The following PPP3CA variants were observed in gnomAD, a reference collection of about 807,000 sequenced individuals.
PPP3CA encodes the protein protein phosphatase 3 catalytic subunit alpha, also known as CAM-PRP catalytic subunit.
PPP3CA carries 14 observed loss-of-function variants against 66.5 expected under a neutral mutation model. The observed-to-expected ratio is 0.21, with a 90% confidence interval of 0.14 to 0.33. PPP3CA has a LOEUF of 0.33. Ranked by LOEUF, PPP3CA falls within the 10% of genes least tolerant of loss-of-function variation. PPP3CA has a pLI of 1.00. For synonymous variants in PPP3CA, 232 were observed against 226.2 expected, an observed-to-expected ratio of 1.03 and a Z score of -0.23; for missense variants, 317 against 639.5, an observed-to-expected ratio of 0.50 and a Z score of 5.44.
At chr4:101,243,897 C>T (rs745510173) in intron 1 of PPP3CA, among the ~76,000 whole-genome samples, 1 of 152,128 alleles carries the variant, frequency 6.6e-6, no homozygotes, top group Non-Finnish European at 1.5e-5. Context: ...TGCTAATGTA[C>T]TTTCCAGTTC....
chr4:101,079,042 C>T (rs901430069), intron 8 of PPP3CA, among the ~76,000 whole-genome samples: 1 of 152,160 alleles, frequency 6.6e-6, no homozygotes, highest in Non-Finnish European at 1.5e-5. Flanking sequence ...ATGGTCAAAA[C>T]GGCAATGTAA....
At chr4:101,052,534 TTTAAA>T (rs1728057544) in intron 10 of PPP3CA, among the ~76,000 whole-genome samples, 2 of 151,796 alleles carry the variant, frequency 1.3e-5, no homozygotes, top group South Asian at 2.1e-4. Flanking sequence ...CGATTTAGCT[TTTAAA>T]TTAGACACAA....
intron 5 of PPP3CA, among the ~76,000 whole-genome samples, chr4:101,096,614 A>T (rs190427934): frequency 3.9e-5 from 6 of 152,294 alleles, no homozygotes; most frequent in Admixed American, 3.3e-4. Context: ...TAAGTTTCTC[A>T]TCTTCCATCC....
At chr4:101,181,157 C>T (rs1422303606) in intron 2 of PPP3CA, among the ~76,000 whole-genome samples, 2 of 151,940 alleles carry the variant, frequency 1.3e-5, no homozygotes, top group African/African-American at 4.8e-5. Flanking sequence ...TTCCCCTTTA[C>T]TAGCTTTTCA....
At chr4:101,309,104 G>C (rs1728637754) in intron 1 of PPP3CA, among the ~76,000 whole-genome samples, 1 of 152,080 alleles carries the variant, frequency 6.6e-6, no homozygotes, top group Admixed American at 6.6e-5. Flanking sequence ...TCCAACCAGG[G>C]TGAAGGAGCA....
chr4:101,296,012 G>A (rs1560703859), intron 1 of PPP3CA, among the ~76,000 whole-genome samples: 2 of 151,078 alleles, frequency 1.3e-5, no homozygotes, highest in African/African-American at 2.5e-5. Context: ...AAATAAGCTG[G>A]AGTTGTTGTT....
intron 1 of PPP3CA, among the ~76,000 whole-genome samples, chr4:101,231,607 A>G (rs956124201): frequency 2.6e-5 from 4 of 151,754 alleles, no homozygotes; most frequent in Middle Eastern, 3.2e-3. Flanking sequence ...TAAATGCTTA[A>G]GGCAAATATA....
intron 10 of PPP3CA, among the ~76,000 whole-genome samples, chr4:101,045,387 G>A (rs1578400018): frequency 6.6e-6 from 1 of 152,172 alleles, no homozygotes; most frequent in African/African-American, 2.4e-5. Context: ...ATCAGCTGTA[G>A]GGGAAACATT....
intron 1 of PPP3CA, among the ~76,000 whole-genome samples, chr4:101,261,257 G>A (rs925305900): frequency 6.6e-6 from 1 of 151,958 alleles, no homozygotes; most frequent in Non-Finnish European, 1.5e-5. Context: ...GCATATCAGA[G>A]GTAAACTCCT....
At chr4:101,154,808 ATTTTT>A in intron 2 of PPP3CA, among the ~76,000 whole-genome samples, 1 of 90,614 alleles carries the variant, frequency 1.1e-5, no homozygotes. Context: ...CACTCCCAGA[ATTTTT>A]TTTTTTTTTT....
chr4:101,119,890 T>C (rs547354207), intron 2 of PPP3CA, among the ~76,000 whole-genome samples: 5 of 152,090 alleles, frequency 3.3e-5, no homozygotes, highest in Non-Finnish European at 5.9e-5. Context: ...AAGGAATGAT[T>C]AGACTGATTA....
At chr4:101,280,595 G>A (rs1443487378) in intron 1 of PPP3CA, among the ~76,000 whole-genome samples, 1 of 152,080 alleles carries the variant, frequency 6.6e-6, no homozygotes, top group Admixed American at 6.5e-5. Flanking sequence ...CGAGGCGGGT[G>A]GATCACCTGA....
intron 1 of PPP3CA, among the ~76,000 whole-genome samples, chr4:101,317,604 T>C (rs1023273819): frequency 3.9e-5 from 6 of 152,198 alleles, no homozygotes; most frequent in African/African-American, 1.4e-4. Flanking sequence ...ATATTTGCTG[T>C]AACAATATTA....
intron 1 of PPP3CA, among the ~76,000 whole-genome samples, chr4:101,326,201 A>G (rs1471406732): frequency 6.6e-6 from 1 of 152,226 alleles, no homozygotes; most frequent in Non-Finnish European, 1.5e-5. Flanking sequence ...TGGGATAGGT[A>G]TATGTGGGTT....
chr4:101,027,830 A>AATC (rs1726731777), intron 13 of PPP3CA, among the ~76,000 whole-genome samples: 1 of 152,172 alleles, frequency 6.6e-6, no homozygotes, highest in African/African-American at 2.4e-5. Context: ...CTCCATTTCT[A>AATC]ATCATTTTTG....
chr4:101,240,820 A>G (rs1189907448), intron 1 of PPP3CA: 1 of 152,178 alleles, frequency 6.6e-6, no homozygotes. Flanking sequence ...CCAAAAGATC[A>G]CATTGTAACA....
At chr4:101,279,770 G>A (rs111724969) in intron 1 of PPP3CA, among the ~76,000 whole-genome samples, 3 of 152,264 alleles carry the variant, frequency 2.0e-5, no homozygotes, top group African/African-American at 7.2e-5. Context: ...AAAGAGGGAA[G>A]AGCCAAGAGA....
At chr4:101,229,994 G>T (rs1055379790) in intron 1 of PPP3CA, among the ~76,000 whole-genome samples, 2 of 151,598 alleles carry the variant, frequency 1.3e-5, no homozygotes, top group Admixed American at 6.6e-5. Context: ...CACCAGTATT[G>T]AGATACATAA....
chr4:101,189,542 CGTA>C (rs1553931801), intron 2 of PPP3CA, among the ~76,000 whole-genome samples: 1 of 151,910 alleles, frequency 6.6e-6, no homozygotes, highest in Non-Finnish European at 1.5e-5. Context: ...TCTGGCACTT[CGTA>C]GCTGGGTAAC....
Sources: gnomAD v4.1 joint callset for allele counts (sites outside exome capture counted in the v4.1 genomes callset) on GRCh38, gnomAD v4.1.1 for gene constraint, MANE v1.5 for transcripts, NCBI Gene and HGNC (gene_info 2026-07-23, HGNC 2026-07-21) for gene names.